Variants in NIPAL2 observed in about 807,000 individuals in gnomAD.
NIPAL2 encodes NIPA-like protein 2.
In NIPAL2, 43 loss-of-function variants were observed where a neutral mutation model predicts 48.9. The ratio of observed to expected loss-of-function variants is 0.88; its 90% CI spans 0.69 to 1.13. The LOEUF (loss-of-function observed/expected upper bound fraction) is 1.13, where lower values mean the gene tolerates loss of function less well. Ranked by LOEUF, NIPAL2 falls within the 50% of genes most tolerant of loss-of-function variation. NIPAL2 has a pLI of 0.00. For synonymous variants in NIPAL2, 167 were observed against 174.6 expected (o/e 0.96, Z 0.34); for missense variants, 446 against 461.4 (o/e 0.97, Z 0.31).
At chr8:98,267,825 A>C (rs1586448454) in intron 1 of NIPAL2, among the ~76,000 whole-genome samples, 2 of 152,328 alleles carry the variant, frequency 1.3e-5, no homozygotes, top group Non-Finnish European at 2.9e-5. Context: ...CTGAAGTTAG[A>C]ATTAACTTTG....
chr8:98,249,936 A>C lies in NIPAL2; in HGVS notation c.376+2527T>G, dbSNP rs77747900. On this transcript the variant is annotated intron_variant, in intron 3 of 10. Coordinates refer to ENST00000430223, the MANE Select transcript of NIPAL2 (RefSeq NM_001321635.2). ...CATCAGTGTAGTAAAACTAGTCCAC[A>C]TGTTTACCCGCACAGTCTCTCCCTG... is the stretch of plus-strand genomic sequence containing the variant. Among the ~76,000 whole-genome samples the C allele has an allele frequency of 3.2e-3, 483 of 152,098 alleles. 1 individual carries two copies. The highest frequency in any genetic ancestry group is 0.011 in the African/African-American group (455 of 41,514).
intron 3 of NIPAL2, among the ~76,000 whole-genome samples, chr8:98,238,093 G>A (rs1033497732): frequency 6.6e-6 from 1 of 152,134 alleles, no homozygotes; most frequent in African/African-American, 2.4e-5. Flanking sequence ...TCGAGCCATC[G>A]TCTGCTACTG....
chr8:98,280,763 G>T (rs377632836), intron 1 of NIPAL2, among the ~76,000 whole-genome samples: 1,715 of 41,262 alleles, frequency 0.042, 17 homozygotes, highest in South Asian at 0.058. Context: ...TATATATATA[G>T]AGAGAGAGAG....
intron 5 of NIPAL2, chr8:98,217,012 G>A: frequency 1.0e-6 from 1 of 953,718 alleles, no homozygotes; most frequent in Non-Finnish European, 1.2e-6. Context: ...TTCTCAGACA[G>A]GCCATGTTAT....
chr8:98,258,820 C>A (rs1459858018), intron 1 of NIPAL2, among the ~76,000 whole-genome samples: 3 of 152,012 alleles, frequency 2.0e-5, no homozygotes, highest in African/African-American at 7.3e-5. Context: ...CACAAGGCAT[C>A]CCTGGAGATT....
At chr8:98,287,052 A>G (rs114441186) in intron 1 of NIPAL2, among the ~76,000 whole-genome samples, 3,168 of 152,148 alleles carry the variant, frequency 0.021, 110 homozygotes, top group African/African-American at 0.07. Context: ...TAGGATGGGG[A>G]AGGGGGTAGT....
rs543234489 is a variant in NIPAL2, at chr8:98,256,169, G to A, written c.136-2082C>T. 1.4e-4 allele frequency among the ~76,000 whole-genome samples: 21 copies of A among 152,054 alleles called. No homozygotes were observed. In the South Asian group the frequency reaches 3.7e-3, roughly 27 times the overall value. Reference sequence around the variant, plus strand: ...CTCCCCAGTAGCTGGAACCACAGGCGTGCACCACCACACCCAGCAAATTTT... The same window carrying A: ...CTCCCCAGTAGCTGGAACCACAGGCATGCACCACCACACCCAGCAAATTTT... On this transcript the variant is annotated intron_variant, in intron 1 of 10. Transcript: ENST00000430223.
chr8:98,222,751 G>T, intron 4 of NIPAL2, 151 bp from the exon 5 acceptor site: 1 of 744,034 alleles, frequency 1.3e-6, no homozygotes, highest in Non-Finnish European at 2.2e-6. Context: ...CTTGGATAGC[G>T]TCCACATTCA....
chr8:98,230,065 G>A (rs2130776260), intron 4 of NIPAL2, among the ~76,000 whole-genome samples: 1 of 152,326 alleles, frequency 6.6e-6, no homozygotes, highest in East Asian at 1.9e-4. Context: ...GCTAAGAAGA[G>A]GAGAGCTGGG....
Position 98,195,939 on chromosome 8 carries a change from C to A in NIPAL2, c.944+3G>T. On this transcript the variant is annotated splice_donor_region_variant and intron_variant, in intron 9 of 10. Transcript: ENST00000430223. ...ATGCTTTACCTCTGAGACATTTACTCACCCAAAAAGATATATAAATACAGT... is the reference window on the plus strand; with the variant it reads ...ATGCTTTACCTCTGAGACATTTACTAACCCAAAAAGATATATAAATACAGT... 6.4e-7 allele frequency: 1 copy of A among 1,567,040 alleles called. No homozygotes were observed. The highest frequency in any genetic ancestry group is 1.1e-5 in the South Asian group (1 of 87,648).
At chr8:98,248,602 G>A (rs925127211) in intron 3 of NIPAL2, among the ~76,000 whole-genome samples, 1 of 152,190 alleles carries the variant, frequency 6.6e-6, no homozygotes, top group African/African-American at 2.4e-5. Context: ...ACTGATATTT[G>A]AACCCTGGCG....
At chr8:98,205,042 A>T in intron 7 of NIPAL2, 69 bp downstream of exon 7, 1 of 1,490,316 alleles carries the variant, frequency 6.7e-7, no homozygotes, top group Non-Finnish European at 9.3e-7. Context: ...ATCTGAAGCC[A>T]GTAAAGATTA....
At chr8:98,262,994 A>C (rs1285405995) in intron 1 of NIPAL2, among the ~76,000 whole-genome samples, 3 of 148,850 alleles carry the variant, frequency 2.0e-5, no homozygotes, top group Admixed American at 6.7e-5. Context: ...CCGCTCAACT[A>C]CATGGAAACT....
intron 3 of NIPAL2, among the ~76,000 whole-genome samples, chr8:98,238,399 T>C (rs1237172167): frequency 6.6e-6 from 1 of 152,212 alleles, no homozygotes; most frequent in African/African-American, 2.4e-5. Flanking sequence ...ATTTCCTTTC[T>C]CAGTTTCCTC....
At position 98,192,984 on chromosome 8, in the gene NIPAL2, C is replaced by A. The variant is rs1421732080; in HGVS notation, c.1146G>T (p.Glu382Asp). The change falls in exon 11 of 11, where the codon GAG becomes GAT. Residue 382 changes from glutamate (E) to aspartate (D), a missense_variant. Coordinates refer to ENST00000430223, the MANE Select transcript of NIPAL2 (RefSeq NM_001321635.2). ...CAGCCATCCTTCTCAGCATTTAGAC[C>A]TCTTTCTTCTCTCCACTTTGGCTCT... is the stretch of plus-strand genomic sequence containing the variant. ...STKSQSGEKK[E>D]V is the part of the protein sequence containing the mutation. 4 of 1,606,708 alleles carry A rather than the reference C, an allele frequency of 2.5e-6. No homozygotes were observed. In the Admixed American group the frequency reaches 6.7e-5, roughly 27 times the overall value.
At chr8:98,262,391 G>A (rs1388119465) in intron 1 of NIPAL2, among the ~76,000 whole-genome samples, 2,727 of 137,328 alleles carry the variant, frequency 0.02, 36 homozygotes, top group South Asian at 0.066. Flanking sequence ...CCCATCTCAC[G>A]TGCAGAGACA....
chr8:98,268,137 T>G (rs748504288), intron 1 of NIPAL2, among the ~76,000 whole-genome samples: 1 of 152,198 alleles, frequency 6.6e-6, no homozygotes, highest in Non-Finnish European at 1.5e-5. Context: ...TAATTTCTTT[T>G]CATAAAGAAT....
intron 4 of NIPAL2, among the ~76,000 whole-genome samples, chr8:98,225,750 C>T (rs1308680935): frequency 6.6e-6 from 1 of 152,118 alleles, no homozygotes; most frequent in Non-Finnish European, 1.5e-5. Flanking sequence ...ATATTGATGT[C>T]TTTCTCTAGG....
chr8:98,231,069 T>C (rs1812417023), intron 4 of NIPAL2, among the ~76,000 whole-genome samples: 1 of 152,024 alleles, frequency 6.6e-6, no homozygotes, highest in African/African-American at 2.4e-5. Flanking sequence ...TCAGTGGGAG[T>C]CCAGTTATTG....
Sources: gnomAD v4.1 joint callset for allele counts (sites outside exome capture counted in the v4.1 genomes callset) on GRCh38, gnomAD v4.1.1 for gene constraint, MANE v1.5 for transcripts, NCBI Gene and HGNC (gene_info 2026-07-23, HGNC 2026-07-21) for gene names.